The following DYNC2H1 variants were observed in gnomAD, a reference collection of about 807,000 sequenced individuals.
DYNC2H1 encodes the protein dynein cytoplasmic 2 heavy chain 1.
Under a neutral mutation model 570.0 loss-of-function variants are expected in DYNC2H1, and 410 were observed. That is an observed-to-expected ratio of 0.72 (90% confidence interval 0.66 to 0.78). DYNC2H1 has a LOEUF of 0.78. Among genes scored for constraint, DYNC2H1 ranks in the 30% least tolerant of loss-of-function variants. The pLI is 0.00. For synonymous variants in DYNC2H1, 1,688 were observed against 1,677.6 expected, an observed-to-expected ratio of 1.01 and a Z score of -0.15; for missense variants, 4,865 against 5,046.4, an observed-to-expected ratio of 0.96 and a Z score of 1.09.
chr11:103,211,844 T>C lies in DYNC2H1; in HGVS notation c.8595T>C (p.Tyr2865=). The C allele has an allele frequency of 2.0e-6, 3 of 1,479,682 alleles. No homozygotes were observed. Among genetic ancestry groups the C allele is most frequent in the Non-Finnish European group, 2.7e-6 (3 of 1,112,430 alleles). The allele number at this position is 1,479,682 out of a possible 1,614,324, so 91.7% of individuals were successfully genotyped here. Residue 2865 remains tyrosine (Y), a synonymous_variant, in exon 54 of 89, where the codon TAT becomes TAC. Coordinates refer to ENST00000375735, the MANE Select transcript of DYNC2H1 (RefSeq NM_001377.3). ...FLLIHESCKA[Y]GATPSRYMTF... is the part of the protein sequence containing the mutation. ...TAATCCATGAATCTTGTAAAGCATA[T>C]GGTGCTACACCAAGCCGATACATGA... is the stretch of plus-strand genomic sequence containing the variant.
intron 17 of DYNC2H1, among the ~76,000 whole-genome samples, chr11:103,140,768 G>A (rs1004934304): frequency 2.7e-4 from 41 of 152,276 alleles, no homozygotes; most frequent in African/African-American, 9.4e-4. Flanking sequence ...CTAGATTGGG[G>A]AAGTTCTCCT....
chr11:103,364,347 G>A (rs530118276), intron 83 of DYNC2H1, among the ~76,000 whole-genome samples: 118 of 151,698 alleles, frequency 7.8e-4, no homozygotes, highest in African/African-American at 2.8e-3. Flanking sequence ...TTTAAGGGCT[G>A]GTATTTGATT....
At chr11:103,470,815 T>C (rs535561783) in intron 88 of DYNC2H1, among the ~76,000 whole-genome samples, 2 of 152,356 alleles carry the variant, frequency 1.3e-5, no homozygotes, top group Admixed American at 1.3e-4. Context: ...CAGTCTATCG[T>C]TGTTGGACAT....
At chr11:103,462,293 C>CTAAT (rs1015312686) in intron 87 of DYNC2H1, among the ~76,000 whole-genome samples, 19 of 148,668 alleles carry the variant, frequency 1.3e-4, no homozygotes, top group African/African-American at 4.5e-4. Context: ...TTCCAAAGAT[C>CTAAT]TAATTACATT....
intron 14 of DYNC2H1, 89 bp from the exon 15 acceptor site, chr11:103,134,232 G>T (rs1859421899): frequency 2.7e-6 from 3 of 1,112,356 alleles, no homozygotes; most frequent in South Asian, 2.7e-5. Flanking sequence ...TGATCACTTG[G>T]TTAAGGTGGT....
chr11:103,278,188 C>G (rs966446167), intron 70 of DYNC2H1, among the ~76,000 whole-genome samples: 2 of 152,060 alleles, frequency 1.3e-5, no homozygotes, highest in African/African-American at 2.4e-5. Context: ...AACTGAGTCA[C>G]CAATTGCTGA....
intron 83 of DYNC2H1, among the ~76,000 whole-genome samples, chr11:103,366,610 C>T (rs1940919133): frequency 6.6e-6 from 1 of 152,116 alleles, no homozygotes; most frequent in African/African-American, 2.4e-5. Flanking sequence ...CATGGAACTT[C>T]ACTGCTTTGT....
At chr11:103,366,535 T>C (rs992638038) in intron 83 of DYNC2H1, among the ~76,000 whole-genome samples, 3 of 152,196 alleles carry the variant, frequency 2.0e-5, no homozygotes, top group Admixed American at 6.5e-5. Flanking sequence ...AATGTTAAAA[T>C]AGGACTGAAA....
chr11:103,449,566 A>G (rs987101072), intron 85 of DYNC2H1, among the ~76,000 whole-genome samples: 2 of 152,234 alleles, frequency 1.3e-5, no homozygotes, highest in Admixed American at 6.5e-5. Context: ...CACGTAATCA[A>G]TAAGCCAAGA....
chr11:103,412,052 A>G (rs1943109245), intron 84 of DYNC2H1, among the ~76,000 whole-genome samples: 1 of 152,188 alleles, frequency 6.6e-6, no homozygotes, highest in South Asian at 2.1e-4. Context: ...CACTAAGATC[A>G]GATCAGTAAA....
chr11:103,417,564 T>G (rs1339221810), intron 84 of DYNC2H1, among the ~76,000 whole-genome samples: 1 of 152,088 alleles, frequency 6.6e-6, no homozygotes, highest in Non-Finnish European at 1.5e-5. Context: ...ACAATACTAG[T>G]GTAGGCTAAC....
chr11:103,387,796 A>C (rs1051642071), intron 83 of DYNC2H1, among the ~76,000 whole-genome samples: 1 of 152,194 alleles, frequency 6.6e-6, no homozygotes, highest in African/African-American at 2.4e-5. Context: ...CACGTTTGTC[A>C]AAGATCAGAT....
In DYNC2H1 at chr11:103,446,037, T is replaced by TTG. The variant is rs1944415425; in HGVS notation, c.12457-9148_12457-9147insGT. Among the ~76,000 whole-genome samples the TTG allele has an allele frequency of 1.3e-5, 2 of 150,478 alleles. No homozygotes were observed. The highest frequency in any genetic ancestry group is 2.5e-5 in the African/African-American group (1 of 40,812). On this transcript the variant is annotated intron_variant, in intron 85 of 88. Coordinates refer to ENST00000375735, the MANE Select transcript of DYNC2H1 (RefSeq NM_001377.3). The surrounding 1 kb of genome is among the most constrained non-coding windows in gnomAD (Gnocchi z 4.5). ...TGACAATATGGTAATAGAGCAGAGTTTTGTTGTTGTTGTTGTTGTTGTTGT... is the reference window on the plus strand; with the variant it reads ...TGACAATATGGTAATAGAGCAGAGTTTGTTGTTGTTGTTGTTGTTGTTGTTGT...
In DYNC2H1 at chr11:103,154,345, G is replaced by C. The variant is rs1036949373; in HGVS notation, c.3303-106G>C. 6.1e-5 allele frequency: 49 copies of C among 801,850 alleles called. No individual in the cohort carries two copies. In the East Asian group the frequency reaches 1.6e-3, roughly 26 times the overall value. 49.7% of individuals were successfully genotyped at this position (801,850 alleles called of 1,614,324 possible). The stretch of plus-strand genomic sequence containing the variant: ...GTATATCTATTAAACATACACAAGT[G>C]TGTGTGTACACACATACAAGGATTG... On this transcript the variant is annotated intron_variant, in intron 22 of 88. Transcript: ENST00000375735.
chr11:103,351,268 A>G (rs1565518589), intron 82 of DYNC2H1, among the ~76,000 whole-genome samples: 1 of 152,284 alleles, frequency 6.6e-6, no homozygotes, highest in East Asian at 1.9e-4. Context: ...ACCAGATGCT[A>G]GCATGGTATA....
chr11:103,456,314 C>G lies in DYNC2H1; in HGVS notation c.12606C>G (p.Ala4202=), dbSNP rs1368063348. 2 of 1,609,066 alleles carry G rather than the reference C, an allele frequency of 1.2e-6. No individual in the cohort carries two copies. Among genetic ancestry groups the G allele is most frequent in the African/African-American group, 2.7e-5 (2 of 74,834 alleles). ...CTGTGGATAGCCTTAAATTTGTAGC[C>G]TCATGGAAAGGTCGACTGCAAGAAG... ...GRSVDSLKFV[A]SWKGRLQEAK... Residue 4202 remains alanine (A), a synonymous_variant, in exon 87 of 89, where the codon GCC becomes GCG. Transcript: ENST00000375735.
Position 103,214,091 on chromosome 11 carries a change from T to G in DYNC2H1, c.8695-1630T>G, listed in dbSNP as rs377662956. Among the ~76,000 whole-genome samples, 16 of 152,304 alleles carry G rather than the reference T, an allele frequency of 1.1e-4. No individual in the cohort carries two copies. In the East Asian group the frequency reaches 1.9e-3, roughly 18 times the overall value. Reference sequence around the variant, plus strand: ...CCACCATTTAATGAAGAGGGTGTCCTTTTCCCAATATATACTTTGCTGAAA... The same window carrying G: ...CCACCATTTAATGAAGAGGGTGTCCGTTTCCCAATATATACTTTGCTGAAA... On this transcript the variant is annotated intron_variant, in intron 54 of 88. Transcript: ENST00000375735.
At chr11:103,166,148 T>A in intron 31 of DYNC2H1, 100 bp downstream of exon 31, 1 of 959,328 alleles carries the variant, frequency 1.0e-6, no homozygotes, top group Non-Finnish European at 1.4e-6. Flanking sequence ...TCTGTGTTGG[T>A]GATTACTCGA....
At chr11:103,161,372 A>G (rs1046364005) in intron 29 of DYNC2H1, among the ~76,000 whole-genome samples, 4 of 152,084 alleles carry the variant, frequency 2.6e-5, no homozygotes, top group Non-Finnish European at 5.9e-5. Flanking sequence ...TAAAATGGTA[A>G]TCTCAGTACA....
Sources: gnomAD v4.1 joint callset for allele counts (sites outside exome capture counted in the v4.1 genomes callset) on GRCh38, gnomAD v4.1.1 for gene constraint, Gnocchi (gnomAD v3.1) non-coding constraint, MANE v1.5 for transcripts, NCBI Gene and HGNC (gene_info 2026-07-23, HGNC 2026-07-21) for gene names.